Variants in GTSE1 observed in about 807,000 individuals in gnomAD.
The protein encoded by GTSE1 is G2 and S-phase expressed 1, also known as G2 and S phase-expressed protein 1.
GTSE1 carries 52 observed loss-of-function variants against 60.5 expected under a neutral mutation model. The ratio of observed to expected loss-of-function variants is 0.86; its 90% CI spans 0.69 to 1.08. GTSE1 has a LOEUF of 1.08. GTSE1 is among the 50% of genes least tolerant of loss of function. GTSE1 has a pLI of 0.00. For synonymous variants in GTSE1, 368 were observed against 386.5 expected, an observed-to-expected ratio of 0.95 and a Z score of 0.56; for missense variants, 937 against 961.8, an observed-to-expected ratio of 0.97 and a Z score of 0.34.
chr22:46,329,004 G>A lies in GTSE1; in HGVS notation c.1926+115G>A, dbSNP rs1280596459. On this transcript the variant is annotated intron_variant, in intron 10 of 11. Coordinates refer to ENST00000454366, the MANE Select transcript of GTSE1 (RefSeq NM_016426.7). This position sits in a 1 kb window ranked among gnomAD's most constrained non-coding sequence, Gnocchi z 6.4. ...GAGTTCCCTGCCATGCTTCATCCTG[G>A]GGCCAGTGCCTCCGTGCCAAGCAAC... is the stretch of plus-strand genomic sequence containing the variant. 1.2e-6 allele frequency: 1 copy of A among 837,270 alleles called. No homozygotes were observed. The highest frequency in any genetic ancestry group is 1.9e-6 in the Non-Finnish European group (1 of 523,210). The allele number at this position is 837,270 out of a possible 1,614,324, so 51.9% of individuals were successfully genotyped here. A position where few individuals can be genotyped will look rare whatever the true frequency, so the allele number is the denominator to read the frequency against.
rs1364558790 is a variant in GTSE1 at position 46,330,398 on chromosome 22, C to T, written c.*268C>T. 5.4e-6 allele frequency: 2 copies of T among 370,834 alleles called. No individual in the cohort carries two copies. Among genetic ancestry groups the T allele is most frequent in the Middle Eastern group, 8.1e-4 (1 of 1,240 alleles). 23.0% of individuals were successfully genotyped at this position (370,834 alleles called of 1,614,324 possible). On this transcript the variant is annotated 3_prime_UTR_variant, in exon 12 of 12. Transcript: ENST00000454366. This position sits in a 1 kb window ranked among gnomAD's most constrained non-coding sequence, Gnocchi z 6.0. ...TTGGGAGGCTGAAGTGGGAGGATGG[C>T]CTGAGCTCAAGGAGATGCAGGCTGC...
In GTSE1 at chr22:46,304,918, G is replaced by T. The variant is rs1369955685; in HGVS notation, c.80-3232G>T. On this transcript the variant is annotated intron_variant, in intron 2 of 11. Transcript: ENST00000454366. The surrounding 1 kb of genome is among the most constrained non-coding windows in gnomAD (Gnocchi z 4.4). ...CCCTCGAGTCCAGGAGTTCGAGGCT[G>T]CAGTGAGCTATGATTGTACCACTGT... Among the ~76,000 whole-genome samples the T allele has an allele frequency of 6.6e-6, 1 of 152,232 alleles. No homozygotes were observed. Among genetic ancestry groups the T allele is most frequent in the East Asian group, 1.9e-4 (1 of 5,202 alleles).
chr22:46,311,672 C>T lies in GTSE1; in HGVS notation c.763-469C>T, dbSNP rs74411852. On this transcript the variant is annotated intron_variant, in intron 4 of 11. Transcript: ENST00000454366. ...CCCTTGTCCCTAAATATGTCAAGAACTTATTTTTTGACTCTGCTGGCCAAA... is the reference window on the plus strand; with the variant it reads ...CCCTTGTCCCTAAATATGTCAAGAATTTATTTTTTGACTCTGCTGGCCAAA... Among the ~76,000 whole-genome samples the T allele has an allele frequency of 1.0e-3, 154 of 152,304 alleles. 1 individual carries two copies. The East Asian group carries it at 0.029, about 28-fold the overall frequency.
chr22:46,325,704 C>T (rs1478230209), intron 8 of GTSE1, among the ~76,000 whole-genome samples: 1 of 152,230 alleles, frequency 6.6e-6, no homozygotes, highest in African/African-American at 2.4e-5. Flanking sequence ...GGCTCCATGA[C>T]CTGATCTCCT....
At chr22:46,326,175 CT>C (rs1382039309) in intron 8 of GTSE1, among the ~76,000 whole-genome samples, 1 of 152,270 alleles carries the variant, frequency 6.6e-6, no homozygotes, top group Non-Finnish European at 1.5e-5. Context: ...GATCAATTTT[CT>C]TTTGAGTTGC....
rs778559566 is a variant in GTSE1 at position 46,313,166 on chromosome 22, T to TAA, written c.928-705_928-704dup. Among the ~76,000 whole-genome samples the TAA allele has an allele frequency of 1.2e-5, 1 of 82,186 alleles. No homozygotes were observed. 53.9% of individuals were successfully genotyped at this position (82,186 alleles called of 152,430 possible). On this transcript the variant is annotated intron_variant, in intron 5 of 11. Transcript: ENST00000454366. The surrounding 1 kb of genome is among the most constrained non-coding windows in gnomAD (Gnocchi z 4.4). Reference sequence around the variant, plus strand: ...CTGGGCAACAGAGTGAGACCCTGTCTAAAAAAAAAAAAAAAAAAAAGGAAA... The same window carrying TAA: ...CTGGGCAACAGAGTGAGACCCTGTCTAAAAAAAAAAAAAAAAAAAAAAGGAAA...
intron 2 of GTSE1, among the ~76,000 whole-genome samples, chr22:46,307,799 C>T (rs930431772): frequency 6.7e-6 from 1 of 149,142 alleles, no homozygotes; most frequent in African/African-American, 2.6e-5. Context: ...CCGCCCCCAG[C>T]CGGCTGATGC....
rs777863239 is a variant in GTSE1 at position 46,329,399 on chromosome 22, T to G, written c.1968T>G (p.Thr656=). The part of the protein sequence containing the change: ...VDIKLEPLAV[T]PDAASQPLID... ...TCAAACTGGAACCACTCGCGGTCAC[T>G]CCAGATGCTGCAAGCCAGCCCCTCA... Residue 656 remains threonine (T), a synonymous_variant, in exon 11 of 12, where the codon ACT becomes ACG. Coordinates refer to ENST00000454366, the MANE Select transcript of GTSE1 (RefSeq NM_016426.7). This position sits in a 1 kb window ranked among gnomAD's most constrained non-coding sequence, Gnocchi z 6.4. 1 of 1,614,190 alleles carries G rather than the reference T, an allele frequency of 6.2e-7. No individual in the cohort carries two copies. The highest frequency in any genetic ancestry group is 1.1e-5 in the South Asian group (1 of 91,088).
rs1171562095 is a variant in GTSE1, at chr22:46,329,497, T to C, written c.2066T>C (p.Leu689Pro). ...GCTGTAGGATCTGAAAGCAGGCCTC[T>C]GATCGACCTCATGACAAACACTCCA... Reference protein sequence around the residue: ...HVAVGSESRPLIDLMTNTPDM... With the variant: ...HVAVGSESRPPIDLMTNTPDM... Residue 689 changes from leucine to proline, a missense_variant, in exon 11 of 12, where the codon CTG (leucine) becomes CCG (proline). Leu to Pro is a moderately conservative substitution (Grantham distance 98). Coordinates refer to ENST00000454366, the MANE Select transcript of GTSE1 (RefSeq NM_016426.7). The surrounding 1 kb of genome is among the most constrained non-coding windows in gnomAD (Gnocchi z 6.4). The C allele has an allele frequency of 6.2e-7, 1 of 1,614,222 alleles. No homozygotes were observed. The highest frequency in any genetic ancestry group is 1.1e-5 in the South Asian group (1 of 91,084).
chr22:46,326,744 G>C, intron 9 of GTSE1, 90 bp downstream of exon 9: 1 of 853,522 alleles, frequency 1.2e-6, no homozygotes, highest in Non-Finnish European at 1.8e-6. Flanking sequence ...CTTGCTCCAG[G>C]TTTTAGTGAA....
Position 46,316,321 on chromosome 22 carries a change from A to G in GTSE1, c.1341A>G (p.Arg447=), listed in dbSNP as rs2077780367. The change falls in exon 7 of 12, where the codon AGA becomes AGG. Residue 447 remains arginine (R), a synonymous_variant. Transcript: ENST00000454366. This position sits in a 1 kb window ranked among gnomAD's most constrained non-coding sequence, Gnocchi z 5.0. ...AATCTTCTCAATTGAATAAGACTAG[A>G]AGTATCAGACGGCGAGATTCCTGTC... ...WSESSQLNKT[R]SIRRRDSCLN... is the part of the protein sequence containing the mutation. 1 of 1,613,726 alleles carries G rather than the reference A, an allele frequency of 6.2e-7. No individual in the cohort carries two copies. Among genetic ancestry groups the G allele is most frequent in the Admixed American group, 1.7e-5 (1 of 60,006 alleles).
At chr22:46,326,341 C>G in intron 8 of GTSE1, 95 bp from the exon 9 acceptor site, 1 of 1,050,874 alleles carries the variant, frequency 9.5e-7, no homozygotes, top group Non-Finnish European at 1.4e-6. Flanking sequence ...GGGCTGAAAC[C>G]AAAGCCCTCA....
chr22:46,320,744 T>C lies in GTSE1; in HGVS notation c.1433-2446T>C, dbSNP rs2077807568. Among the ~76,000 whole-genome samples, 2 of 152,334 alleles carry C rather than the reference T, an allele frequency of 1.3e-5. No individual in the cohort carries two copies. The highest frequency in any genetic ancestry group is 2.1e-4 in the South Asian group (1 of 4,830). On this transcript the variant is annotated intron_variant, in intron 7 of 11. Coordinates refer to ENST00000454366, the MANE Select transcript of GTSE1 (RefSeq NM_016426.7). The surrounding 1 kb of genome is among the most constrained non-coding windows in gnomAD (Gnocchi z 7.1). ...CCCAGAGGATTGAGACTTGGAATTCTGGCTGTGGGCTTTGCCTCCCCGGTA... is the reference window on the plus strand; with the variant it reads ...CCCAGAGGATTGAGACTTGGAATTCCGGCTGTGGGCTTTGCCTCCCCGGTA...
At chr22:46,300,723 G>A (rs762018609) in intron 2 of GTSE1, among the ~76,000 whole-genome samples, 4 of 152,186 alleles carry the variant, frequency 2.6e-5, no homozygotes, top group Non-Finnish European at 4.4e-5. Context: ...CAGCCAGCCC[G>A]GGACCCCTCG....
intron 2 of GTSE1, among the ~76,000 whole-genome samples, chr22:46,298,128 C>A (rs114306676): frequency 0.029 from 4,089 of 142,276 alleles, 183 homozygotes; most frequent in African/African-American, 0.1. Context: ...ACACCTGGCT[C>A]ATTTTTGTAT....
In GTSE1 at chr22:46,319,713, C is replaced by T. The variant is rs1467167421; in HGVS notation, c.1432+3301C>T. ...AGAGATGGGAGCTGTGAGCTGGGCACGGTGGCTAACTCCTGTAATCCTAGC... is the reference window on the plus strand; with the variant it reads ...AGAGATGGGAGCTGTGAGCTGGGCATGGTGGCTAACTCCTGTAATCCTAGC... On this transcript the variant is annotated intron_variant, in intron 7 of 11. Transcript: ENST00000454366. The surrounding 1 kb of genome is among the most constrained non-coding windows in gnomAD (Gnocchi z 5.0). Among the ~76,000 whole-genome samples the T allele has an allele frequency of 2.0e-5, 3 of 152,186 alleles. No homozygotes were observed. Among genetic ancestry groups the T allele is most frequent in the Non-Finnish European group, 2.9e-5 (2 of 67,992 alleles).
rs1326044738 is a variant in GTSE1 at position 46,313,636 on chromosome 22, G to A, written c.928-254G>A. Reference sequence around the variant, plus strand: ...CAATTCTCCTACCTCAGCCTCCCGAGTAGCTGGGACTACAGGTGCCTGCCA... The same window carrying A: ...CAATTCTCCTACCTCAGCCTCCCGAATAGCTGGGACTACAGGTGCCTGCCA... On this transcript the variant is annotated intron_variant, in intron 5 of 11. Transcript: ENST00000454366. The surrounding 1 kb of genome is among the most constrained non-coding windows in gnomAD (Gnocchi z 4.4). Among the ~76,000 whole-genome samples the A allele has an allele frequency of 6.6e-6, 1 of 152,164 alleles. No homozygotes were observed.
intron 2 of GTSE1, among the ~76,000 whole-genome samples, chr22:46,301,182 G>A (rs1350667230): frequency 1.3e-5 from 2 of 152,234 alleles, no homozygotes; most frequent in Non-Finnish European, 2.9e-5. Flanking sequence ...GAGTCTTGCT[G>A]TTACCAATGA....
intron 9 of GTSE1, chr22:46,326,863 G>T (rs1235792507): frequency 4.2e-6 from 2 of 479,310 alleles, no homozygotes; most frequent in East Asian, 7.2e-5. Flanking sequence ...AATACTGCGT[G>T]TAATTCTCTG....
Sources: allele counts gnomAD v4.1 joint callset (sites outside exome capture counted in the v4.1 genomes callset), GRCh38; gene constraint gnomAD v4.1.1; non-coding constraint Gnocchi (gnomAD v3.1); transcripts MANE v1.5; gene names NCBI Gene and HGNC (gene_info 2026-07-23, HGNC 2026-07-21).